Variants in HSD17B4 observed in about 807,000 individuals in gnomAD.
HSD17B4 encodes the protein peroxisomal multifunctional enzyme type 2.
HSD17B4 carries 70 observed loss-of-function variants against 101.0 expected under a neutral mutation model. That is an observed-to-expected ratio of 0.69 (90% CI 0.57 to 0.85). The LOEUF is 0.85. Ranked by LOEUF, HSD17B4 falls within the 40% of genes least tolerant of loss-of-function variation. The pLI, the probability that HSD17B4 is intolerant of heterozygous loss-of-function variation, is 0.00. For missense variants in HSD17B4, 984 were observed against 892.4 expected, an observed-to-expected ratio of 1.10 and a Z score of -1.31; for synonymous variants, 347 against 297.1, an observed-to-expected ratio of 1.17 and a Z score of -1.73.
At position 119,492,125 on chromosome 5, in the gene HSD17B4, G is replaced by T; in HGVS notation, c.739+1G>T. On this transcript the variant is annotated splice_donor_variant, in intron 10 of 23. Transcript: ENST00000510025. LOFTEE classifies it high-confidence loss of function. ...GTTGGAGCAGGATGGATTGGAAAAT[G>T]TAAGTCTCTCTCAGTTTTTGGTTTG... 6.2e-7 allele frequency: 1 copy of T among 1,605,926 alleles called. No homozygotes were observed. Among genetic ancestry groups the T allele is most frequent in the African/African-American group, 1.3e-5 (1 of 74,788 alleles).
rs913449651 is a variant in HSD17B4, at chr5:119,539,826, G to A, written c.2122-2079G>A. Among the ~76,000 whole-genome samples the A allele has an allele frequency of 2.0e-5, 3 of 150,814 alleles. No individual in the cohort carries two copies. In the Admixed American group the frequency reaches 2.0e-4, roughly 10 times the overall value. On this transcript the variant is annotated intron_variant, in intron 23 of 23. Transcript: ENST00000510025. ...TGGTATAGGCCAGGGACAATGTCTC[G>A]TGCCTGTAGTTCCAGCACTTTGGGA... is the stretch of plus-strand genomic sequence containing the variant.
chr5:119,460,631 A>T (rs1755132415), intron 2 of HSD17B4, among the ~76,000 whole-genome samples: 1 of 152,222 alleles, frequency 6.6e-6, no homozygotes, highest in African/African-American at 2.4e-5. Flanking sequence ...TTCATCTAAC[A>T]TGTATTTATT....
In HSD17B4 at chr5:119,507,637, A is replaced by AT. The variant is rs1368078474; in HGVS notation, c.1333+748_1333+749insT. Among the ~76,000 whole-genome samples, 13 of 151,950 alleles carry AT rather than the reference A, an allele frequency of 8.6e-5. No homozygotes were observed. The East Asian group carries it at 2.5e-3, about 29-fold the overall frequency. ...TCTCTACTTAAAATACAAAAAAAAA[A>AT]GCCGGGCATGGTGGCGGGCGCCTGT... On this transcript the variant is annotated intron_variant, in intron 15 of 23. Transcript: ENST00000510025.
At chr5:119,518,810 A>G (rs947984580) in intron 17 of HSD17B4, among the ~76,000 whole-genome samples, 2 of 152,134 alleles carry the variant, frequency 1.3e-5, no homozygotes, top group African/African-American at 4.8e-5. Flanking sequence ...GTCTGTTTAT[A>G]ATGTCTTCAG....
intron 16 of HSD17B4, among the ~76,000 whole-genome samples, chr5:119,510,152 C>G (rs1177673997): frequency 2.0e-5 from 3 of 152,088 alleles, no homozygotes; most frequent in Non-Finnish European, 4.4e-5. Flanking sequence ...TATATATTCT[C>G]TGTACAACAT....
chr5:119,478,971 C>T lies in HSD17B4; in HGVS notation c.572C>T (p.Thr191Ile). The T allele has an allele frequency of 6.2e-7, 1 of 1,613,628 alleles. No homozygotes were observed. The highest frequency in any genetic ancestry group is 8.5e-7 in the Non-Finnish European group (1 of 1,179,660). ...EGRKSNIHCNTIAPNAGSRMT... is the reference protein window; with the variant it reads ...EGRKSNIHCNIIAPNAGSRMT... ...AGGAAAAGCAACATTCATTGTAACA[C>T]CATTGCTCCTAATGCGGGATCACGG... Residue 191 changes from threonine to isoleucine, a missense_variant, in exon 8 of 24, where the codon ACC (threonine) becomes ATC (isoleucine). Thr to Ile is a moderately conservative substitution (Grantham distance 89, BLOSUM62 -1). Coordinates refer to ENST00000510025, the MANE Select transcript of HSD17B4 (RefSeq NM_000414.4).
rs1306804490 is a variant in HSD17B4, at chr5:119,473,901, A to G, written c.113-7A>G. The G allele has an allele frequency of 2.0e-6, 3 of 1,492,690 alleles. No individual in the cohort carries two copies. Among genetic ancestry groups the G allele is most frequent in the Non-Finnish European group, 2.8e-6 (3 of 1,069,330 alleles). The allele number at this position is 1,492,690 out of a possible 1,614,324, so 92.5% of individuals were successfully genotyped here. A position where few individuals can be genotyped will look rare whatever the true frequency, so the allele number is the denominator to read the frequency against. On this transcript the variant is annotated splice_region_variant and splice_polypyrimidine_tract_variant and intron_variant, in intron 2 of 23. Coordinates refer to ENST00000510025, the MANE Select transcript of HSD17B4 (RefSeq NM_000414.4). ...TTAATTGTTGTTTGCTTGTTTTTGC[A>G]TTACAGTGAATGATTTGGGAGGGGA...
At chr5:119,477,189 A>G (rs1379377607) in intron 6 of HSD17B4, among the ~76,000 whole-genome samples, 1 of 152,214 alleles carries the variant, frequency 6.6e-6, no homozygotes, top group Non-Finnish European at 1.5e-5. Context: ...TAGGCATTAC[A>G]TTAATTTTAC....
At chr5:119,478,788 T>G in intron 7 of HSD17B4, 46 bp from the exon 8 acceptor site, 1 of 1,533,622 alleles carries the variant, frequency 6.5e-7, no homozygotes, top group Non-Finnish European at 9.0e-7. Context: ...TGCAATGTTA[T>G]CAAATTATGG....
chr5:119,464,427 C>G (rs151004940), intron 2 of HSD17B4, among the ~76,000 whole-genome samples: 5 of 152,240 alleles, frequency 3.3e-5, no homozygotes, highest in Non-Finnish European at 7.4e-5. Context: ...TTTCCCAGCA[C>G]CATTTATTGA....
At chr5:119,512,769 G>T (rs1476332767) in intron 16 of HSD17B4, among the ~76,000 whole-genome samples, 1 of 152,170 alleles carries the variant, frequency 6.6e-6, no homozygotes, top group African/African-American at 2.4e-5. Flanking sequence ...AAATACCCAG[G>T]TTAGGCAAAT....
chr5:119,499,917 G>C (rs1486130886), intron 13 of HSD17B4, among the ~76,000 whole-genome samples: 2 of 152,140 alleles, frequency 1.3e-5, no homozygotes, highest in Non-Finnish European at 2.9e-5. Flanking sequence ...TGGTGAAGAA[G>C]CAAGCCAGGG....
chr5:119,474,491 GA>G (rs1400687216), intron 4 of HSD17B4, 31 bp downstream of exon 4: 5 of 1,345,576 alleles, frequency 3.7e-6, no homozygotes, highest in Non-Finnish European at 4.3e-6. Flanking sequence ...GGCTCTTGTG[GA>G]GCAACTTCTA....
At chr5:119,485,675 T>C (rs1180970215) in intron 8 of HSD17B4, among the ~76,000 whole-genome samples, 1 of 152,200 alleles carries the variant, frequency 6.6e-6, no homozygotes, top group African/African-American at 2.4e-5. Context: ...TTATGAGTAA[T>C]GTGTGGAGAC....
intron 8 of HSD17B4, among the ~76,000 whole-genome samples, chr5:119,485,472 A>T (rs913899718): frequency 1.3e-5 from 2 of 152,164 alleles, no homozygotes; most frequent in African/African-American, 4.8e-5. Flanking sequence ...GTTATAGATC[A>T]TTTTTAAATT....
At chr5:119,479,658 C>T (rs1748933951) in intron 8 of HSD17B4, among the ~76,000 whole-genome samples, 1 of 152,118 alleles carries the variant, frequency 6.6e-6, no homozygotes, top group Non-Finnish European at 1.5e-5. Context: ...CCTGAATTCT[C>T]AGGGATTGAA....
At chr5:119,533,858 G>A (rs1009000265) in intron 22 of HSD17B4, among the ~76,000 whole-genome samples, 5 of 152,028 alleles carry the variant, frequency 3.3e-5, no homozygotes, top group Admixed American at 6.6e-5. Context: ...TCACTTTATG[G>A]AATAATGGTT....
intron 6 of HSD17B4, chr5:119,476,523 A>T: frequency 1.0e-6 from 1 of 977,116 alleles, no homozygotes; most frequent in Non-Finnish European, 1.2e-6. Context: ...ATCATTGTTT[A>T]TAGAGTGTGT....
At chr5:119,473,312 TC>T (rs1748208250) in intron 2 of HSD17B4, among the ~76,000 whole-genome samples, 2 of 105,682 alleles carry the variant, frequency 1.9e-5, no homozygotes, top group African/African-American at 7.0e-5. Context: ...TCTTCCCTGC[TC>T]CTTTTTTTTT....
Sources: gnomAD v4.1 joint callset for allele counts (sites outside exome capture counted in the v4.1 genomes callset) on GRCh38, gnomAD v4.1.1 for gene constraint, MANE v1.5 for transcripts, NCBI Gene and HGNC (gene_info 2026-07-23, HGNC 2026-07-21) for gene names.